The following NRXN1 variants were observed in gnomAD, a reference collection of about 807,000 sequenced individuals.
NRXN1 encodes neurexin-1.
NRXN1 carries 39 observed loss-of-function variants against 150.9 expected under a neutral mutation model. The ratio of observed to expected loss-of-function variants is 0.26; its 90% CI spans 0.20 to 0.34. NRXN1 has a LOEUF of 0.34. Among genes scored for constraint, NRXN1 ranks in the 10% least tolerant of loss-of-function variants. The pLI, the probability that NRXN1 is intolerant of heterozygous loss-of-function variation, is 1.00. For missense variants in NRXN1, 1,815 were observed against 1,949.9 expected (o/e 0.93, Z 1.30); for synonymous variants, 924 against 757.0 (o/e 1.22, Z -3.62).
chr2:50,796,103 T>C (rs754959898), intron 5 of NRXN1, among the ~76,000 whole-genome samples: 35 of 152,090 alleles, frequency 2.3e-4, no homozygotes, highest in Non-Finnish European at 4.6e-4. Context: ...GGGGGAACTT[T>C]ATGGAAGAAT....
chr2:49,921,903 G>A lies in NRXN1; in HGVS notation c.*41C>T, dbSNP rs1390429042. On this transcript the variant is annotated 3_prime_UTR_variant, in exon 23 of 23. Coordinates refer to ENST00000401669, the MANE Select transcript of NRXN1 (RefSeq NM_001330078.2). Reference sequence around the variant, plus strand: ...GTTTATATTATGTCTCAGATAAAATGAAGACTATTTCTATACAAGTGTCCA... The same window carrying A: ...GTTTATATTATGTCTCAGATAAAATAAAGACTATTTCTATACAAGTGTCCA... The A allele has an allele frequency of 5.1e-6, 8 of 1,583,386 alleles. No individual in the cohort carries two copies. Among genetic ancestry groups the A allele is most frequent in the Admixed American group, 1.7e-5 (1 of 59,512 alleles).
chr2:50,038,731 G>A (rs921807656), intron 21 of NRXN1, among the ~76,000 whole-genome samples: 4 of 151,134 alleles, frequency 2.6e-5, no homozygotes, highest in Non-Finnish European at 4.4e-5. Flanking sequence ...AGTTTTCTCC[G>A]TCCTTCCCTC....
At chr2:50,574,256 A>C (rs544811874) in intron 8 of NRXN1, among the ~76,000 whole-genome samples, 34 of 152,252 alleles carry the variant, frequency 2.2e-4, no homozygotes, top group African/African-American at 7.9e-4. Flanking sequence ...AAGTAGAATA[A>C]ATTGGTGGGC....
rs139278699 is a variant in NRXN1, at chr2:50,078,460, T to G, written c.3718+12863A>C. Among the ~76,000 whole-genome samples, 107 of 152,176 alleles carry G rather than the reference T, an allele frequency of 7.0e-4. 1 individual carries two copies. In the South Asian group the frequency reaches 0.011, roughly 15 times the overall value. On this transcript the variant is annotated intron_variant, in intron 19 of 22. Coordinates refer to ENST00000401669, the MANE Select transcript of NRXN1 (RefSeq NM_001330078.2). ...TAATAATTAAATAACCATTAGGCAG[T>G]TATCAAAACCAAGAAAGTAACACTG...
chr2:50,953,278 A>C (rs1558482299), intron 2 of NRXN1, among the ~76,000 whole-genome samples: 1 of 152,238 alleles, frequency 6.6e-6, no homozygotes, highest in Non-Finnish European at 1.5e-5. Context: ...CTAACAGAGA[A>C]CAATGAAAAC....
At chr2:49,980,061 C>T (rs1174174946) in intron 21 of NRXN1, among the ~76,000 whole-genome samples, 1 of 151,854 alleles carries the variant, frequency 6.6e-6, no homozygotes, top group East Asian at 1.9e-4. Flanking sequence ...AATTATTATG[C>T]TAATGTTAAA....
chr2:50,815,407 T>C (rs2105790477), intron 5 of NRXN1, among the ~76,000 whole-genome samples: 1 of 152,288 alleles, frequency 6.6e-6, no homozygotes, highest in Admixed American at 6.5e-5. Context: ...ATCTTTACAG[T>C]ACCTATATTT....
chr2:49,987,558 G>A (rs1161683874), intron 21 of NRXN1, among the ~76,000 whole-genome samples: 2 of 152,086 alleles, frequency 1.3e-5, no homozygotes, highest in Admixed American at 6.5e-5. Context: ...GAACCACAGT[G>A]TACCTCAACA....
Position 50,495,897 on chromosome 2 carries a change from G to A in NRXN1, c.3070+8C>T, listed in dbSNP as rs2091580662. 6.3e-7 allele frequency: 1 copy of A among 1,582,858 alleles called. No homozygotes were observed. The highest frequency in any genetic ancestry group is 8.6e-7 in the Non-Finnish European group (1 of 1,163,904). On this transcript the variant is annotated splice_region_variant and intron_variant, in intron 15 of 22. Coordinates refer to ENST00000401669, the MANE Select transcript of NRXN1 (RefSeq NM_001330078.2). ...AAGGCTCGTTGCTCTGACTTAACAT[G>A]CACTTACTCTTGAGGTCTAAGTTCC...
At chr2:50,882,082 C>G (rs1177091545) in intron 5 of NRXN1, among the ~76,000 whole-genome samples, 3 of 151,652 alleles carry the variant, frequency 2.0e-5, no homozygotes, top group Admixed American at 6.6e-5. Context: ...ATTGTCAAAA[C>G]AAAACACTGT....
At chr2:50,547,001 C>A (rs1423741971) in intron 9 of NRXN1, among the ~76,000 whole-genome samples, 1 of 152,122 alleles carries the variant, frequency 6.6e-6, no homozygotes, top group Non-Finnish European at 1.5e-5. Context: ...ATGGTGTACA[C>A]AGAAATCAGT....
At chr2:50,026,605 A>G (rs889998695) in intron 21 of NRXN1, among the ~76,000 whole-genome samples, 1 of 152,122 alleles carries the variant, frequency 6.6e-6, no homozygotes, top group African/African-American at 2.4e-5. Context: ...GAGAATTACA[A>G]AGAACACACT....
At chr2:50,400,629 C>T (rs1251104833) in intron 17 of NRXN1, among the ~76,000 whole-genome samples, 1 of 152,062 alleles carries the variant, frequency 6.6e-6, no homozygotes, top group Non-Finnish European at 1.5e-5. Context: ...TTCCATTGGA[C>T]TAATGAAATT....
At chr2:50,188,687 AC>A (rs907137405) in intron 18 of NRXN1, among the ~76,000 whole-genome samples, 1 of 151,502 alleles carries the variant, frequency 6.6e-6, no homozygotes, top group African/African-American at 2.4e-5. Context: ...GAAAAAAAAA[AC>A]ATCAAAAAGT....
intron 5 of NRXN1, among the ~76,000 whole-genome samples, chr2:50,724,549 T>C (rs1697078063): frequency 6.6e-6 from 1 of 152,160 alleles, no homozygotes. Context: ...ATGCACTTAG[T>C]CAATCTGACT....
chr2:50,626,359 G>GT (rs1681049577), intron 5 of NRXN1, among the ~76,000 whole-genome samples: 1 of 151,840 alleles, frequency 6.6e-6, no homozygotes, highest in Non-Finnish European at 1.5e-5. Context: ...AGAAGATGAA[G>GT]TAAGTTGCCT....
intron 5 of NRXN1, among the ~76,000 whole-genome samples, chr2:50,742,749 C>A (rs1374046721): frequency 6.6e-6 from 1 of 152,048 alleles, no homozygotes; most frequent in African/African-American, 2.4e-5. Context: ...AGGATTGAGT[C>A]CTCAATAAAT....
chr2:50,598,431 CT>C (rs979306246), intron 8 of NRXN1, among the ~76,000 whole-genome samples: 2 of 151,146 alleles, frequency 1.3e-5, no homozygotes, highest in African/African-American at 4.9e-5. Flanking sequence ...ATAAAATAAA[CT>C]TTTTTAAATC....
chr2:51,004,472 T>C (rs753634575), intron 2 of NRXN1, among the ~76,000 whole-genome samples: 7 of 151,984 alleles, frequency 4.6e-5, no homozygotes, highest in Non-Finnish European at 7.4e-5. Context: ...GTTATGACCA[T>C]TTCAGAAAAC....
Sources: gnomAD v4.1 joint callset for allele counts (sites outside exome capture counted in the v4.1 genomes callset) on GRCh38, gnomAD v4.1.1 for gene constraint, MANE v1.5 for transcripts, NCBI Gene and HGNC (gene_info 2026-07-23, HGNC 2026-07-21) for gene names.